MAGI2: variants seen among roughly 807,000 people sequenced by gnomAD.
The protein encoded by MAGI2 is membrane-associated guanylate kinase, WW and PDZ domain-containing protein 2.
Under a neutral mutation model 133.3 loss-of-function variants are expected in MAGI2, and 35 were observed. The ratio of observed to expected loss-of-function variants is 0.26; its 90% CI spans 0.20 to 0.35. MAGI2 has a LOEUF of 0.35. Ranked by LOEUF, MAGI2 falls within the 10% of genes least tolerant of loss-of-function variation. The probability of loss-of-function intolerance (pLI) is 1.00; values close to 1 mark genes in which losing one functional copy is unlikely to be tolerated. For missense variants in MAGI2, 1,636 were observed against 1,863.4 expected, an observed-to-expected ratio of 0.88 and a Z score of 2.25; for synonymous variants, 729 against 710.6, an observed-to-expected ratio of 1.03 and a Z score of -0.41.
At chr7:78,064,247 C>A (rs769455709) in intron 21 of MAGI2, among the ~76,000 whole-genome samples, 7 of 151,714 alleles carry the variant, frequency 4.6e-5, no homozygotes, top group African/African-American at 9.7e-5. Context: ...AGCAAGTTAC[C>A]TTTTGAGAGA....
chr7:79,052,504 T>C (rs1393361079), intron 1 of MAGI2, among the ~76,000 whole-genome samples: 1 of 152,186 alleles, frequency 6.6e-6, no homozygotes, highest in Non-Finnish European at 1.5e-5. Flanking sequence ...GAAATGGCTC[T>C]GGGATGTTGG....
intron 9 of MAGI2, among the ~76,000 whole-genome samples, chr7:78,325,133 C>A (rs1788453766): frequency 6.6e-6 from 1 of 152,136 alleles, no homozygotes; most frequent in Non-Finnish European, 1.5e-5. Flanking sequence ...GTCTGAAGCA[C>A]TTTGCATTCT....
chr7:78,877,624 C>T (rs574335136), intron 2 of MAGI2, among the ~76,000 whole-genome samples: 1 of 152,250 alleles, frequency 6.6e-6, no homozygotes, highest in East Asian at 1.9e-4. Flanking sequence ...GCTTCACTCC[C>T]ACACCATCTT....
At chr7:79,452,977 G>A (rs1012005332) in intron 1 of MAGI2, 43 bp downstream of exon 1, 2 of 1,510,180 alleles carry the variant, frequency 1.3e-6, no homozygotes, top group Admixed American at 2.1e-5. Context: ...GCCCCGAGCG[G>A]TCCCACCGCC....
chr7:79,048,375 C>A (rs1359528890), intron 1 of MAGI2, among the ~76,000 whole-genome samples: 1 of 152,082 alleles, frequency 6.6e-6, no homozygotes, highest in East Asian at 1.9e-4. Context: ...GAACAAAATG[C>A]CACGATGTTC....
intron 1 of MAGI2, among the ~76,000 whole-genome samples, chr7:79,242,213 T>C (rs899766862): frequency 3.9e-5 from 6 of 152,182 alleles, no homozygotes; most frequent in African/African-American, 4.8e-5. Context: ...GTGAGGTGAT[T>C]CATATGCTAA....
At position 79,393,978 on chromosome 7, in the gene MAGI2, C is replaced by T. The variant is rs143913341; in HGVS notation, c.301+59042G>A. On this transcript the variant is annotated intron_variant, in intron 1 of 21. Coordinates refer to ENST00000354212, the MANE Select transcript of MAGI2 (RefSeq NM_012301.4). ...CTTAAGATGGAATTGTTTGTGTGTC[C>T]AGCTTGAAGAGTTAATGATCATCAA... 5.1e-4 allele frequency among the ~76,000 whole-genome samples: 77 copies of T among 152,206 alleles called. 2 individuals carry two copies. In the East Asian group the frequency reaches 0.015, roughly 29 times the overall value.
intron 9 of MAGI2, among the ~76,000 whole-genome samples, chr7:78,332,633 G>C (rs1175965482): frequency 6.7e-6 from 1 of 149,696 alleles, no homozygotes; most frequent in Non-Finnish European, 1.5e-5. Flanking sequence ...GGGAGGCAGA[G>C]CTTGCAGTGA....
intron 2 of MAGI2, among the ~76,000 whole-genome samples, chr7:78,972,192 C>A (rs1337336650): frequency 5.9e-5 from 9 of 151,872 alleles, no homozygotes; most frequent in Non-Finnish European, 1.0e-4. Context: ...ATTAGTAAAA[C>A]ATACCTGATC....
Position 78,334,601 on chromosome 7 carries a change from G to A in MAGI2, c.1408+9177C>T, listed in dbSNP as rs575820667. Reference sequence around the variant, plus strand: ...ACAAACACCCCTTCAAAGCAGTTCTGAGCATAGGCTTGGATGGGAGAGGGG... The same window carrying A: ...ACAAACACCCCTTCAAAGCAGTTCTAAGCATAGGCTTGGATGGGAGAGGGG... On this transcript the variant is annotated intron_variant, in intron 9 of 21. Transcript: ENST00000354212. Among the ~76,000 whole-genome samples, 3 of 152,298 alleles carry A rather than the reference G, an allele frequency of 2.0e-5. No individual in the cohort carries two copies. In the East Asian group the frequency reaches 5.8e-4, roughly 29 times the overall value.
At chr7:78,283,602 G>A (rs373587625) in intron 9 of MAGI2, among the ~76,000 whole-genome samples, 62 of 151,954 alleles carry the variant, frequency 4.1e-4, no homozygotes, top group African/African-American at 9.9e-4. Flanking sequence ...GTGTTTCTCC[G>A]AAATGGTATT....
chr7:78,484,373 T>C (rs1792748106), intron 6 of MAGI2: 1 of 151,850 alleles, frequency 6.6e-6, no homozygotes, highest in African/African-American at 2.4e-5. Flanking sequence ...TTAATTCTAA[T>C]TGAAATGCAC....
chr7:79,313,352 G>A (rs1838444266), intron 1 of MAGI2, among the ~76,000 whole-genome samples: 1 of 152,086 alleles, frequency 6.6e-6, no homozygotes, highest in Admixed American at 6.6e-5. Context: ...CTTGTTCACA[G>A]CTATATGTCC....
intron 3 of MAGI2, among the ~76,000 whole-genome samples, chr7:78,573,235 T>TATATATATAA (rs1554481458): frequency 1.4e-3 from 71 of 50,978 alleles, no homozygotes; most frequent in African/African-American, 4.5e-3. Context: ...TAAATATAAA[T>TATATATATAA]ATATATATAT....
intron 1 of MAGI2, among the ~76,000 whole-genome samples, chr7:79,307,072 G>A (rs1837884660): frequency 6.6e-6 from 1 of 152,064 alleles, no homozygotes; most frequent in African/African-American, 2.4e-5. Context: ...CTCCTTCTGA[G>A]GGTATCTCAC....
At chr7:78,160,379 G>T in intron 15 of MAGI2, 106 bp from the exon 16 acceptor site, 1 of 1,177,780 alleles carries the variant, frequency 8.5e-7, no homozygotes, top group Non-Finnish European at 1.1e-6. Context: ...TTACAAGACT[G>T]GTTGAACTGC....
In MAGI2 at chr7:78,255,776, A is replaced by G. The variant is rs1027766538; in HGVS notation, c.2047+167T>C. The stretch of plus-strand genomic sequence containing the variant: ...ATAGAAAAAGACATATTCTGAATTC[A>G]AAAACAAAGTTTCCTTTAATTCATG... On this transcript the variant is annotated intron_variant, in intron 10 of 21. Transcript: ENST00000354212. 1.2e-5 allele frequency: 9 copies of G among 729,372 alleles called. No individual in the cohort carries two copies. In the Admixed American group the frequency reaches 1.4e-4, roughly 11 times the overall value. 45.2% of individuals were successfully genotyped at this position (729,372 alleles called of 1,614,324 possible). A position where few individuals can be genotyped will look rare whatever the true frequency, so the allele number is the denominator to read the frequency against.
At chr7:78,798,916 C>T (rs555192331) in intron 2 of MAGI2, among the ~76,000 whole-genome samples, 2 of 152,204 alleles carry the variant, frequency 1.3e-5, no homozygotes, top group South Asian at 2.1e-4. Context: ...GCCAAACATC[C>T]GATGTCTCCT....
At chr7:78,600,854 T>C (rs116535600) in intron 3 of MAGI2, among the ~76,000 whole-genome samples, 2,440 of 152,214 alleles carry the variant, frequency 0.016, 30 homozygotes, top group African/African-American at 0.033. Flanking sequence ...TAGTATAAAA[T>C]TACTTTTAAA....
Sources: gnomAD v4.1 joint callset for allele counts (sites outside exome capture counted in the v4.1 genomes callset) on GRCh38, gnomAD v4.1.1 for gene constraint, MANE v1.5 for transcripts, NCBI Gene and HGNC (gene_info 2026-07-23, HGNC 2026-07-21) for gene names.